Variants in CCDC33 observed in about 807,000 individuals in gnomAD.
CCDC33 encodes coiled-coil domain containing 33, also known as coiled-coil domain-containing protein 33.
A neutral mutation model predicts 91.9 loss-of-function variants in CCDC33; 94 were observed. The observed-to-expected ratio is 1.02, with a 90% CI of 0.87 to 1.21. The LOEUF is 1.21. CCDC33 is among the 50% of genes most tolerant of loss of function. The pLI, the probability that CCDC33 is intolerant of heterozygous loss-of-function variation, is 0.00. For synonymous variants in CCDC33, 396 were observed against 374.5 expected, an observed-to-expected ratio of 1.06 and a Z score of -0.66; for missense variants, 940 against 935.5, an observed-to-expected ratio of 1.00 and a Z score of -0.06.
chr15:74,335,014 G>C lies in CCDC33; in HGVS notation c.2065G>C (p.Asp689His). Reference sequence around the variant, plus strand: ...TCGACGCTGGGGACGAGAGAAGCAGGATCTGGCCACACGGCTGCAGGAGCA... The same window carrying C: ...TCGACGCTGGGGACGAGAGAAGCAGCATCTGGCCACACGGCTGCAGGAGCA... ...SARRWGREKQDLATRLQEQEK... is the reference protein window; with the variant it reads ...SARRWGREKQHLATRLQEQEK... Residue 689 changes from aspartate (D) to histidine (H), a missense_variant, in exon 18 of 19, where the codon GAT (aspartate) becomes CAT (histidine). Physicochemically the swap from Asp to His is moderately conservative, Grantham distance 81. Coordinates refer to ENST00000398814, the MANE Select transcript of CCDC33 (RefSeq NM_025055.5). 1 of 1,614,118 alleles carries C rather than the reference G, an allele frequency of 6.2e-7. No individual in the cohort carries two copies. Among genetic ancestry groups the C allele is most frequent in the Non-Finnish European group, 8.5e-7 (1 of 1,180,010 alleles).
intron 3 of CCDC33, 27 bp downstream of exon 3, chr15:74,262,600 A>C: frequency 1.2e-6 from 2 of 1,602,008 alleles, no homozygotes; most frequent in South Asian, 1.1e-5. Context: ...CAGGGCCGGC[A>C]TGTGCAGGCA....
intron 2 of CCDC33, among the ~76,000 whole-genome samples, chr15:74,255,085 C>G (rs2075820507): frequency 7.0e-6 from 1 of 143,454 alleles, no homozygotes; most frequent in East Asian, 2.0e-4. Flanking sequence ...ACCTAGGCAT[C>G]CCCCTTTCCC....
At chr15:74,283,819 CCCCCTCT>C (rs1566998192) in intron 10 of CCDC33, among the ~76,000 whole-genome samples, 1 of 149,222 alleles carries the variant, frequency 6.7e-6, no homozygotes, top group African/African-American at 2.5e-5. Context: ...CACACACACA[CCCCCTCT>C]ACATATACAC....
At chr15:74,231,413 C>G (rs576331084), upstream of CCDC33, among the ~76,000 whole-genome samples, 3 of 152,240 alleles carry the variant, frequency 2.0e-5, no homozygotes, top group Non-Finnish European at 4.4e-5. Context: ...TGGGGCACAC[C>G]ACCTCAATCT....
Position 74,268,401 on chromosome 15 carries a change from C to A in CCDC33, c.489C>A (p.Val163=). 6.2e-7 allele frequency: 1 copy of A among 1,601,430 alleles called. No homozygotes were observed. Among genetic ancestry groups the A allele is most frequent in the South Asian group, 1.1e-5 (1 of 90,766 alleles). The stretch of plus-strand genomic sequence containing the variant: ...CCAAGACCCAGTTGTACGCAACAGT[C>A]GTTCGGAAGAGCAGCTTCATACCCC... The part of the protein sequence containing the change: ...ATAKTQLYAT[V]VRKSSFIPRY... The change falls in exon 5 of 19, where the codon GTC becomes GTA. Residue 163 remains valine (V), a synonymous_variant. Transcript: ENST00000398814.
chr15:74,254,744 C>CTTTTT (rs756927130), intron 2 of CCDC33, among the ~76,000 whole-genome samples: 7 of 126,406 alleles, frequency 5.5e-5, no homozygotes, highest in African/African-American at 6.1e-5. Context: ...TACCCTCCTT[C>CTTTTT]TTTTTTTTTT....
chr15:74,262,415 C>T (rs771721757), intron 2 of CCDC33, 25 bp from the exon 3 acceptor site: 38 of 1,612,974 alleles, frequency 2.4e-5, no homozygotes, highest in Non-Finnish European at 3.1e-5. Context: ...CTCCCTTTGA[C>T]TCACCCTGCC....
chr15:74,266,515 G>C (rs2076169595), intron 3 of CCDC33, among the ~76,000 whole-genome samples, 163 bp from the exon 4 acceptor site: 1 of 152,162 alleles, frequency 6.6e-6, no homozygotes, highest in African/African-American at 2.4e-5. Flanking sequence ...TTGTGGGTTT[G>C]TGTGCACAGG....
chr15:74,330,682 GC>G lies in CCDC33; in HGVS notation c.1477del (p.Leu493CysfsTer2). On this transcript the variant is annotated frameshift_variant, in exon 13 of 19. Coordinates refer to ENST00000398814, the MANE Select transcript of CCDC33 (RefSeq NM_025055.5). LOFTEE classifies it high-confidence loss of function. ...TAACAGTGTCCATGAAGCAGAAACT[GC>G]TGCTGAGTGAGCTGGATATGAAGAA... ...QNTVSMKQKLLLSELDMKKLR... is the reference protein window; with the variant it reads ...QNTVSMKQKLXLSELDMKKLR... 6.2e-7 allele frequency: 1 copy of G among 1,613,564 alleles called. No individual in the cohort carries two copies. Among genetic ancestry groups the G allele is most frequent in the Non-Finnish European group, 8.5e-7 (1 of 1,179,932 alleles).
chr15:74,269,544 C>G (rs921666401), intron 5 of CCDC33, among the ~76,000 whole-genome samples: 9 of 152,122 alleles, frequency 5.9e-5, no homozygotes, highest in Non-Finnish European at 4.4e-5. Flanking sequence ...GCCAGCAATT[C>G]ACACACACAC....
At chr15:74,230,770 A>G (rs555052227) in intron 2 of CCDC33, among the ~76,000 whole-genome samples, 70 of 152,290 alleles carry the variant, frequency 4.6e-4, no homozygotes, top group African/African-American at 1.7e-3. Context: ...CCATTCTCTT[A>G]TCTAATCCTC....
rs183727278 is a variant in CCDC33, at chr15:74,271,809, G to T, written c.638+15G>T. The T allele has an allele frequency of 7.5e-6, 12 of 1,606,154 alleles. No individual in the cohort carries two copies. The East Asian group carries it at 2.7e-4, about 36-fold the overall frequency. On this transcript the variant is annotated intron_variant, in intron 6 of 18. Coordinates refer to ENST00000398814, the MANE Select transcript of CCDC33 (RefSeq NM_025055.5). ...AAGGAATTTAAGTGAGTGGGGCCCAGGTGGACCTGGGTGAGGAGGGCAGAG... is the reference window on the plus strand; with the variant it reads ...AAGGAATTTAAGTGAGTGGGGCCCATGTGGACCTGGGTGAGGAGGGCAGAG...
chr15:74,274,633 C>T (rs1028128535), intron 7 of CCDC33, among the ~76,000 whole-genome samples: 1 of 152,330 alleles, frequency 6.6e-6, no homozygotes, highest in South Asian at 2.1e-4. Context: ...CTAGAGTTAC[C>T]TCACACATGG....
Position 74,335,060 on chromosome 15 carries a change from C to A in CCDC33, c.2111C>A (p.Pro704His), listed in dbSNP as rs758487446. The change falls in exon 18 of 19, where the codon CCC (proline) becomes CAC (histidine). Residue 704 changes from proline (P) to histidine (H), a missense_variant. Coordinates refer to ENST00000398814, the MANE Select transcript of CCDC33 (RefSeq NM_025055.5). ...GAGCAAGAAAAAGGTTTCAGGCACC[C>A]CTCGAACTCCATCATCATAGAACAG... The part of the protein sequence containing the change: ...LQEQEKGFRH[P>H]SNSIIIEQPS... The A allele has an allele frequency of 6.2e-7, 1 of 1,614,044 alleles. No individual in the cohort carries two copies. The highest frequency in any genetic ancestry group is 1.1e-5 in the South Asian group (1 of 91,084).
At chr15:74,290,349 T>G (rs1175265357) in intron 10 of CCDC33, among the ~76,000 whole-genome samples, 3 of 152,072 alleles carry the variant, frequency 2.0e-5, no homozygotes, top group African/African-American at 4.8e-5. Context: ...AGCTAACTGT[T>G]GTATTTTTAG....
In CCDC33 at chr15:74,316,982, A is replaced by G. The variant is rs557389486; in HGVS notation, c.1291-13207A>G. Among the ~76,000 whole-genome samples, 1 of 152,340 alleles carries G rather than the reference A, an allele frequency of 6.6e-6. No homozygotes were observed. The highest frequency in any genetic ancestry group is 2.4e-5 in the African/African-American group (1 of 41,580). On this transcript the variant is annotated intron_variant, in intron 11 of 18. Coordinates refer to ENST00000398814, the MANE Select transcript of CCDC33 (RefSeq NM_025055.5). The surrounding 1 kb of genome is among the most constrained non-coding windows in gnomAD (Gnocchi z 4.7). ...TTTCCACTTCACCAGGCCCACTCAAATAAGAACTAATAGGAGTATGGGGAT... is the reference window on the plus strand; with the variant it reads ...TTTCCACTTCACCAGGCCCACTCAAGTAAGAACTAATAGGAGTATGGGGAT...
intron 6 of CCDC33, 33 bp from the exon 7 acceptor site, chr15:74,272,738 C>T: frequency 1.2e-6 from 2 of 1,611,384 alleles, no homozygotes; most frequent in Non-Finnish European, 1.7e-6. Context: ...GTGCAGAGCC[C>T]AGAGCACTGA....
At chr15:74,260,964 G>A (rs566474940) in intron 2 of CCDC33, among the ~76,000 whole-genome samples, 32 of 152,260 alleles carry the variant, frequency 2.1e-4, no homozygotes, top group African/African-American at 7.0e-4. Context: ...TCCCACAACC[G>A]CCCTGCAGGC....
intron 2 of CCDC33, among the ~76,000 whole-genome samples, chr15:74,230,708 G>A (rs2074944209): frequency 6.6e-6 from 1 of 152,176 alleles, no homozygotes; most frequent in Non-Finnish European, 1.5e-5. Flanking sequence ...GCATACATTG[G>A]TGTAAGTGTG....
Sources: gnomAD v4.1 joint callset for allele counts (sites outside exome capture counted in the v4.1 genomes callset) on GRCh38, gnomAD v4.1.1 for gene constraint, Gnocchi (gnomAD v3.1) non-coding constraint, MANE v1.5 for transcripts, NCBI Gene and HGNC (gene_info 2026-07-23, HGNC 2026-07-21) for gene names.